The following CEP57L1 variants were observed in gnomAD, a reference collection of about 807,000 sequenced individuals.
CEP57L1 encodes the protein centrosomal protein CEP57L1.
CEP57L1 carries 37 observed loss-of-function variants against 61.0 expected under a neutral mutation model. That is an observed-to-expected ratio of 0.61 (90% CI 0.47 to 0.80). CEP57L1 has a LOEUF of 0.80. Ranked by LOEUF, CEP57L1 falls within the 30% of genes least tolerant of loss-of-function variation. The probability of loss-of-function intolerance (pLI) is 0.00; values close to 1 mark genes in which losing one functional copy is unlikely to be tolerated. For missense variants in CEP57L1, 422 were observed against 524.7 expected, an observed-to-expected ratio of 0.80 and a Z score of 1.91; for synonymous variants, 137 against 162.3, an observed-to-expected ratio of 0.84 and a Z score of 1.19.
chr6:109,097,254 C>T (rs1488782679), intron 1 of CEP57L1, among the ~76,000 whole-genome samples: 2 of 152,320 alleles, frequency 1.3e-5, no homozygotes, highest in African/African-American at 2.4e-5. Context: ...CTTCAAACTG[C>T]GATAATCTCT....
Position 109,165,833 on chromosome 6 carries a change from T to C in CEP57L1, c.*2863T>C, listed in dbSNP as rs573120012. On this transcript the variant is annotated 3_prime_UTR_variant, in exon 11 of 11. Coordinates refer to ENST00000517392, the MANE Select transcript of CEP57L1 (RefSeq NM_001271852.3). ...GATGGAGCAGTCAGTCTATGGTCAG[T>C]GTAAGAGTTGCTGTAGCAACCTCAC... 1.3e-5 allele frequency: 2 copies of C among 152,382 alleles called. No individual in the cohort carries two copies. Among genetic ancestry groups the C allele is most frequent in the East Asian group, 1.9e-4 (1 of 5,188 alleles). The allele number at this position is 152,382 out of a possible 1,614,324, so 9.4% of individuals were successfully genotyped here. A position where few individuals can be genotyped will look rare whatever the true frequency, so the allele number is the denominator to read the frequency against.
chr6:109,113,941 C>T (rs1356911481), intron 1 of CEP57L1, among the ~76,000 whole-genome samples: 1 of 152,124 alleles, frequency 6.6e-6, no homozygotes, highest in Non-Finnish European at 1.5e-5. Context: ...TTGTTAAAAT[C>T]CATTCATCTG....
chr6:109,100,490 G>A (rs1782246280), intron 1 of CEP57L1, among the ~76,000 whole-genome samples: 1 of 151,604 alleles, frequency 6.6e-6, no homozygotes, highest in Non-Finnish European at 1.5e-5. Context: ...GCTCGGCCAA[G>A]ATGGTGAAAC....
intron 6 of CEP57L1, among the ~76,000 whole-genome samples, chr6:109,155,576 A>C (rs186915611): frequency 6.6e-6 from 1 of 151,952 alleles, no homozygotes. Context: ...ATTTCTGTAC[A>C]TATATTAAAT....
rs59722564 is a variant in CEP57L1 at position 109,168,665 on chromosome 6, G to A, written c.*5695G>A. 0.024 allele frequency among the ~76,000 whole-genome samples: 3,454 copies of A among 141,304 alleles called. 146 individuals are homozygous for A. Among genetic ancestry groups the A allele is most frequent in the African/African-American group, 0.087 (3,300 of 37,858 alleles). 92.7% of individuals were successfully genotyped at this position (141,304 alleles called of 152,430 possible). On this transcript the variant is annotated 3_prime_UTR_variant, in exon 11 of 11. Coordinates refer to ENST00000517392, the MANE Select transcript of CEP57L1 (RefSeq NM_001271852.3). ...GGCTGGAGTGCAATGGTACAATCTC[G>A]TCTCACTGCAACCTCCACCTCCCAG...
chr6:109,144,660 T>C (rs72937081), intron 1 of CEP57L1, among the ~76,000 whole-genome samples: 16,239 of 152,148 alleles, frequency 0.11, 1,265 homozygotes, highest in Non-Finnish European at 0.17. Context: ...GGAAACTTTC[T>C]AATCTAGATG....
At chr6:109,120,796 A>G (rs1042413779) in intron 1 of CEP57L1, among the ~76,000 whole-genome samples, 2 of 152,152 alleles carry the variant, frequency 1.3e-5, no homozygotes, top group African/African-American at 4.8e-5. Flanking sequence ...TAGTGTCACT[A>G]TGAAACCATT....
chr6:109,120,073 C>G (rs1772776063), intron 1 of CEP57L1, among the ~76,000 whole-genome samples: 1 of 152,156 alleles, frequency 6.6e-6, no homozygotes, highest in Non-Finnish European at 1.5e-5. Context: ...TATTCTAGTA[C>G]TTCATGTTGA....
At chr6:109,128,249 A>G (rs990244172) in intron 1 of CEP57L1, among the ~76,000 whole-genome samples, 1 of 152,154 alleles carries the variant, frequency 6.6e-6, no homozygotes, top group African/African-American at 2.4e-5. Flanking sequence ...TAAGACTTGT[A>G]GCCCCTTTTA....
At chr6:109,146,657 G>A in intron 2 of CEP57L1, 101 bp from the exon 3 acceptor site, 1 of 719,478 alleles carries the variant, frequency 1.4e-6, no homozygotes, top group Non-Finnish European at 2.2e-6. Context: ...CATTTTTCTG[G>A]CTCAGTAACA....
At chr6:109,122,734 G>A (rs987843830) in intron 1 of CEP57L1, among the ~76,000 whole-genome samples, 1 of 152,094 alleles carries the variant, frequency 6.6e-6, no homozygotes, top group African/African-American at 2.4e-5. Flanking sequence ...CCCAACCCGG[G>A]AGGCGTAGGT....
In CEP57L1 at chr6:109,171,242, A is replaced by ATTTT. The variant is rs751539209; in HGVS notation, c.*8282_*8285dup. The stretch of plus-strand genomic sequence containing the variant: ...AAATAATGCCACAAAGTAGAGTTTG[A>ATTTT]TTTTTTTTTTTTTGAGACGGAGTTT... On this transcript the variant is annotated 3_prime_UTR_variant, in exon 11 of 11. Transcript: ENST00000517392. 1.3e-4 allele frequency among the ~76,000 whole-genome samples: 18 copies of ATTTT among 143,492 alleles called. 1 individual carries two copies. The highest frequency in any genetic ancestry group is 4.6e-4 in the African/African-American group (18 of 39,028). The allele number at this position is 143,492 out of a possible 152,430, so 94.1% of individuals were successfully genotyped here.
intron 1 of CEP57L1, among the ~76,000 whole-genome samples, chr6:109,118,273 GT>G (rs1772544245): frequency 6.6e-6 from 1 of 152,236 alleles, no homozygotes; most frequent in South Asian, 2.1e-4. Context: ...CTGATCTCAG[GT>G]AGTCCACCTG....
intron 1 of CEP57L1, among the ~76,000 whole-genome samples, chr6:109,132,634 T>G (rs576881142): frequency 1.3e-5 from 2 of 152,362 alleles, no homozygotes; most frequent in Admixed American, 1.3e-4. Context: ...AATATCTATC[T>G]GTATGTATAT....
At chr6:109,135,599 A>G (rs1204194161) in intron 1 of CEP57L1, among the ~76,000 whole-genome samples, 3 of 152,232 alleles carry the variant, frequency 2.0e-5, no homozygotes, top group Non-Finnish European at 4.4e-5. Flanking sequence ...CTGCCCAGCA[A>G]AAGAAACTAC....
intron 2 of CEP57L1, 39 bp downstream of exon 2, chr6:109,145,420 G>A (rs1173744695): frequency 1.4e-6 from 2 of 1,403,718 alleles, no homozygotes; most frequent in Non-Finnish European, 1.9e-6. Context: ...GTAAAAACAT[G>A]CTATAAAAAA....
chr6:109,102,813 T>A (rs1271125453), intron 1 of CEP57L1, among the ~76,000 whole-genome samples: 4 of 152,206 alleles, frequency 2.6e-5, no homozygotes, highest in Non-Finnish European at 5.9e-5. Context: ...TTGGTGCCAT[T>A]CTTCAAAACT....
chr6:109,095,372 G>A (rs1041188296), upstream of CEP57L1: 152 of 985,820 alleles, frequency 1.5e-4, no homozygotes, highest in Non-Finnish European at 1.8e-4. Flanking sequence ...TAAAAGTAGT[G>A]ACGGCCTCTT....
intron 1 of CEP57L1, among the ~76,000 whole-genome samples, chr6:109,126,812 A>G (rs1216656624): frequency 6.6e-6 from 1 of 152,218 alleles, no homozygotes; most frequent in Non-Finnish European, 1.5e-5. Context: ...ATGAACAATT[A>G]GATGCTATAT....
Sources: gnomAD v4.1 joint callset for allele counts (sites outside exome capture counted in the v4.1 genomes callset) on GRCh38, gnomAD v4.1.1 for gene constraint, MANE v1.5 for transcripts, NCBI Gene and HGNC (gene_info 2026-07-23, HGNC 2026-07-21) for gene names.